NEBL: variants seen among roughly 807,000 people sequenced by gnomAD.
NEBL encodes nebulette, also known as LIM and SH3 protein 2.
A neutral mutation model predicts 140.2 loss-of-function variants in NEBL; 122 were observed. The observed-to-expected ratio is 0.87, with a 90% CI of 0.75 to 1.01. The LOEUF (loss-of-function observed/expected upper bound fraction) is 1.01, where lower values mean the gene tolerates loss of function less well. Ranked by LOEUF, NEBL falls within the 50% of genes least tolerant of loss-of-function variation. The pLI, the probability that NEBL is intolerant of heterozygous loss-of-function variation, is 0.00. For missense variants in NEBL, 1,365 were observed against 1,231.3 expected (o/e 1.11, Z -1.62); for synonymous variants, 436 against 398.9 (o/e 1.09, Z -1.11).
chr10:21,142,479 CA>C (rs1839676423), intron 2 of NEBL, among the ~76,000 whole-genome samples: 1 of 152,156 alleles, frequency 6.6e-6, no homozygotes, highest in South Asian at 2.1e-4. Flanking sequence ...CAGGAGTCAA[CA>C]GCCACCTGTG....
At chr10:20,967,138 G>A (rs1836351726) in intron 3 of NEBL, among the ~76,000 whole-genome samples, 1 of 151,814 alleles carries the variant, frequency 6.6e-6, no homozygotes. Flanking sequence ...AGCATCTGGA[G>A]ACCTGGACCA....
chr10:21,018,371 A>G (rs1838644373), intron 3 of NEBL, among the ~76,000 whole-genome samples: 2 of 152,190 alleles, frequency 1.3e-5, no homozygotes, highest in South Asian at 4.1e-4. Flanking sequence ...AGAAAGGCAC[A>G]TTGGATATGC....
chr10:21,108,457 C>G (rs1049931797), intron 2 of NEBL, among the ~76,000 whole-genome samples: 1 of 152,034 alleles, frequency 6.6e-6, no homozygotes, highest in Non-Finnish European at 1.5e-5. Context: ...TCAGTTTCCA[C>G]ATAGTTGTGC....
At chr10:21,121,804 G>T (rs901552281) in intron 2 of NEBL, among the ~76,000 whole-genome samples, 1 of 152,152 alleles carries the variant, frequency 6.6e-6, no homozygotes, top group Non-Finnish European at 1.5e-5. Context: ...GATGTGTTTT[G>T]CATGTAAACC....
At chr10:21,085,814 A>G (rs1218763316) in intron 2 of NEBL, among the ~76,000 whole-genome samples, 2 of 152,222 alleles carry the variant, frequency 1.3e-5, no homozygotes, top group Non-Finnish European at 2.9e-5. Flanking sequence ...TCATGGCAAC[A>G]GGACAAAAGA....
chr10:20,993,859 C>A (rs556556166), intron 3 of NEBL, among the ~76,000 whole-genome samples: 70 of 152,294 alleles, frequency 4.6e-4, no homozygotes, highest in African/African-American at 1.5e-3. Flanking sequence ...GGCACTGCCA[C>A]CCTAACTAAC....
intron 27 of NEBL, among the ~76,000 whole-genome samples, chr10:20,786,785 A>G (rs1306436196): frequency 6.6e-6 from 1 of 152,214 alleles, no homozygotes; most frequent in East Asian, 1.9e-4. Flanking sequence ...CAGTTCTTCA[A>G]GATTTCCAAT....
chr10:20,848,389 AT>A (rs1842155966), intron 11 of NEBL, among the ~76,000 whole-genome samples: 1 of 152,216 alleles, frequency 6.6e-6, no homozygotes, highest in African/African-American at 2.4e-5. Context: ...AACTAATTTA[AT>A]CAAAATGGTT....
rs876657927 is a variant in NEBL at position 20,852,564 on chromosome 10, T to C, written c.989A>G (p.Asn330Ser). 1.9e-6 allele frequency: 3 copies of C among 1,613,290 alleles called. No homozygotes were observed. ...GTGTACCTGACTTTGGAGGACGGCA[T>C]TGCCTTTATGGTGCAGATGTTCCAC... ...DAVEHLHHKG[N>S]AVLQSQVKYK... is the part of the protein sequence containing the mutation. The change falls in exon 10 of 28, where the codon AAT (asparagine) becomes AGT (serine). Residue 330 changes from asparagine to serine, a missense_variant. Transcript: ENST00000377122.
intron 3 of NEBL, among the ~76,000 whole-genome samples, chr10:20,988,814 C>A (rs1483039014): frequency 6.6e-6 from 1 of 152,212 alleles, no homozygotes; most frequent in African/African-American, 2.4e-5. Flanking sequence ...CCAGTGAACT[C>A]CACATTGCTA....
chr10:21,287,235 G>A (rs531596330), intron 1 of NEBL, among the ~76,000 whole-genome samples: 2 of 152,284 alleles, frequency 1.3e-5, no homozygotes, highest in African/African-American at 4.8e-5. Context: ...AAGAGCCTTG[G>A]TCAAGAGCCA....
chr10:20,817,518 A>T (rs1838845339), intron 21 of NEBL, 82 bp downstream of exon 21: 2 of 1,185,402 alleles, frequency 1.7e-6, no homozygotes, highest in Non-Finnish European at 2.5e-6. Flanking sequence ...AGGTTATGAA[A>T]ATTCTATAAA....
At chr10:21,232,020 A>G (rs2132255622) in intron 3 of NEBL, among the ~76,000 whole-genome samples, 2 of 152,318 alleles carry the variant, frequency 1.3e-5, no homozygotes, top group South Asian at 2.1e-4. Flanking sequence ...CTTCATGACA[A>G]TATGATATCA....
chr10:21,174,869 G>C (rs111431315), upstream of NEBL: 280 of 152,336 alleles, frequency 1.8e-3, 1 homozygote, highest in African/African-American at 6.3e-3. Flanking sequence ...GGTCATTTTA[G>C]GCCCGAGTCG....
intron 4 of NEBL, among the ~76,000 whole-genome samples, chr10:20,914,965 T>C (rs567468869): frequency 3.1e-4 from 38 of 123,902 alleles, no homozygotes; most frequent in Admixed American, 5.7e-4. Context: ...CCCAAGTGGC[T>C]GGGATTTTTT....
chr10:20,884,299 A>G (rs956144864), intron 4 of NEBL, among the ~76,000 whole-genome samples: 1 of 151,824 alleles, frequency 6.6e-6, no homozygotes, highest in Non-Finnish European at 1.5e-5. Context: ...CTGGTCTTCA[A>G]CTCCCGGGCT....
At chr10:20,800,151 T>C (rs574659562) in intron 26 of NEBL, among the ~76,000 whole-genome samples, 2 of 138,452 alleles carry the variant, frequency 1.4e-5, no homozygotes, top group African/African-American at 2.7e-5. Context: ...ATCGTAACCA[T>C]TGTTTTATTT....
intron 4 of NEBL, among the ~76,000 whole-genome samples, chr10:20,906,526 G>T (rs1848102169): frequency 6.6e-6 from 1 of 152,094 alleles, no homozygotes; most frequent in Non-Finnish European, 1.5e-5. Flanking sequence ...AAACAGCTAT[G>T]AAGTTAATGA....
rs116351021 is a variant in NEBL at position 21,108,895 on chromosome 10, C to G, written c.164+63488G>C. Among the ~76,000 whole-genome samples, 1,140 of 151,978 alleles carry G rather than the reference C, an allele frequency of 7.5e-3. 17 individuals are homozygous for G. The highest frequency in any genetic ancestry group is 0.025 in the African/African-American group (1,053 of 41,462). ...ATTAGCTCTTCTTGGTGAATCGATC[C>G]CTTTACCAACAATGGGGTTTTCTAA... On this transcript the variant is annotated intron_variant, in intron 2 of 6. Transcript: ENST00000417816.
Sources: allele counts gnomAD v4.1 joint callset (sites outside exome capture counted in the v4.1 genomes callset), GRCh38; gene constraint gnomAD v4.1.1; transcripts MANE v1.5; gene names NCBI Gene and HGNC (gene_info 2026-07-23, HGNC 2026-07-21).